CRACD: variants seen among roughly 807,000 people sequenced by gnomAD.
CRACD encodes capping protein-inhibiting regulator of actin dynamics.
In CRACD, 56 loss-of-function variants were observed where a neutral mutation model predicts 106.8. The observed-to-expected ratio is 0.52, with a 90% CI of 0.42 to 0.66. The LOEUF (loss-of-function observed/expected upper bound fraction) is 0.66. Ranked by LOEUF, CRACD falls within the 30% of genes least tolerant of loss-of-function variation. The pLI is 0.00. For synonymous variants in CRACD, 754 were observed against 670.8 expected (o/e 1.12, Z -1.92); for missense variants, 1,730 against 1,623.2 (o/e 1.07, Z -1.13).
At chr4:56,235,301 C>G (rs1162867356) in intron 2 of CRACD, among the ~76,000 whole-genome samples, 2 of 152,136 alleles carry the variant, frequency 1.3e-5, no homozygotes, top group Non-Finnish European at 2.9e-5. Flanking sequence ...TTTAAGGATT[C>G]TGTTTAGGAA....
At chr4:56,194,622 G>T (rs1737523443) in intron 2 of CRACD, among the ~76,000 whole-genome samples, 1 of 152,172 alleles carries the variant, frequency 6.6e-6, no homozygotes, top group South Asian at 2.1e-4. Context: ...TTATGAAGGA[G>T]ACCCAAGAGA....
chr4:56,135,953 A>T (rs372688664), intron 1 of CRACD, among the ~76,000 whole-genome samples: 27 of 152,244 alleles, frequency 1.8e-4, no homozygotes, highest in African/African-American at 5.5e-4. Flanking sequence ...AAAACAACTG[A>T]CATGCTGTCA....
intron 1 of CRACD, among the ~76,000 whole-genome samples, chr4:56,075,719 T>C (rs34181414): frequency 0.36 from 54,098 of 152,072 alleles, 10,167 homozygotes; most frequent in African/African-American, 0.48. Flanking sequence ...AATGGCATCG[T>C]ATAATATCTA....
rs1746711452 is a variant in CRACD at position 56,330,151 on chromosome 4, C to CT, written c.*2356dup. ...GTAAAAACATATAAAAAGTTCAAGA[C>CT]TTTTTTTTTAAATGAATGATCACTA... On this transcript the variant is annotated 3_prime_UTR_variant, in exon 11 of 11. Coordinates refer to ENST00000682029, the MANE Select transcript of CRACD (RefSeq NM_001393381.1). Among the ~76,000 whole-genome samples, 1 of 149,394 alleles carries CT rather than the reference C, an allele frequency of 6.7e-6. No homozygotes were observed. The highest frequency in any genetic ancestry group is 2.5e-5 in the African/African-American group (1 of 40,726).
intron 2 of CRACD, among the ~76,000 whole-genome samples, chr4:56,243,723 A>G (rs1443785936): frequency 6.6e-6 from 1 of 152,218 alleles, no homozygotes; most frequent in Non-Finnish European, 1.5e-5. Context: ...AATAAGCATC[A>G]TGGAGAATGG....
rs750635405 is a variant in CRACD at position 56,316,111 on chromosome 4, A to G, written c.2609A>G (p.Lys870Arg). 37 of 1,614,028 alleles carry G rather than the reference A, an allele frequency of 2.3e-5. No individual in the cohort carries two copies. The highest frequency in any genetic ancestry group is 3.1e-5 in the Non-Finnish European group (36 of 1,180,036). The change falls in exon 8 of 11, where the codon AAG becomes AGG. Residue 870 changes from lysine (K) to arginine (R), a missense_variant. Lys to Arg is a conservative substitution (Grantham distance 26). This residue lies in a region of CRACD where 1,620 missense variants were observed against 1,481.6 expected (regional missense o/e 1.09). Transcript: ENST00000682029. ...CDQQAEQKKKKRHSSTGDSAD... is the reference protein window; with the variant it reads ...CDQQAEQKKKRRHSSTGDSAD... ...CAACAGGCAGAACAGAAGAAGAAGA[A>G]GAGGCACAGCAGCACCGGAGACAGC...
intron 1 of CRACD, among the ~76,000 whole-genome samples, chr4:56,096,216 T>G (rs1423047208): frequency 6.6e-6 from 1 of 152,126 alleles, no homozygotes; most frequent in Admixed American, 6.5e-5. Context: ...AGCATCAGTA[T>G]ATAGTTGATA....
At chr4:56,255,768 A>C (rs1386722201) in intron 2 of CRACD, among the ~76,000 whole-genome samples, 1 of 152,204 alleles carries the variant, frequency 6.6e-6, no homozygotes, top group Non-Finnish European at 1.5e-5. Flanking sequence ...CCTTTTAACC[A>C]GAAAAAAAGC....
At chr4:56,296,921 T>TTG (rs1560523729) in intron 3 of CRACD, among the ~76,000 whole-genome samples, 1,139 of 31,870 alleles carry the variant, frequency 0.036, 14 homozygotes, top group African/African-American at 0.11. Context: ...TTTTTGTTTG[T>TTG]TTTTTTTTTT....
intron 2 of CRACD, among the ~76,000 whole-genome samples, chr4:56,255,658 C>T (rs902673226): frequency 1.2e-4 from 19 of 152,264 alleles, no homozygotes; most frequent in Non-Finnish European, 2.4e-4. Flanking sequence ...CTAAATTTTA[C>T]GGGCCATCCA....
intron 10 of CRACD, among the ~76,000 whole-genome samples, chr4:56,325,215 G>C (rs937917806): frequency 1.3e-5 from 2 of 152,062 alleles, no homozygotes; most frequent in African/African-American, 4.8e-5. Context: ...CATGCCTGTA[G>C]TCCCACCTAC....
At chr4:56,230,946 T>C (rs1346209807) in intron 2 of CRACD, among the ~76,000 whole-genome samples, 4 of 152,230 alleles carry the variant, frequency 2.6e-5, no homozygotes, top group Non-Finnish European at 5.9e-5. Flanking sequence ...TCATCGCCTC[T>C]GAACATCATA....
chr4:56,214,883 G>A (rs1038830226), intron 2 of CRACD, among the ~76,000 whole-genome samples: 2 of 149,908 alleles, frequency 1.3e-5, no homozygotes, highest in South Asian at 2.1e-4. Flanking sequence ...GTGGTGGTGT[G>A]CGCCTATAAT....
chr4:56,138,668 T>C (rs1476686232), intron 1 of CRACD, among the ~76,000 whole-genome samples: 2 of 152,148 alleles, frequency 1.3e-5, no homozygotes, highest in Non-Finnish European at 2.9e-5. Context: ...ACTATGAGAC[T>C]GTACTGGAAC....
At chr4:56,137,471 G>T (rs1156310029) in intron 1 of CRACD, among the ~76,000 whole-genome samples, 1 of 152,132 alleles carries the variant, frequency 6.6e-6, no homozygotes, top group Non-Finnish European at 1.5e-5. Context: ...AACAGTGGAC[G>T]AGGGGCATTC....
At chr4:56,226,940 C>G (rs35198363) in intron 2 of CRACD, among the ~76,000 whole-genome samples, 1 of 151,386 alleles carries the variant, frequency 6.6e-6, no homozygotes, top group South Asian at 2.1e-4. Flanking sequence ...ATGTGATCAC[C>G]ACACTTACCA....
At position 56,314,488 on chromosome 4, in the gene CRACD, C is replaced by G. The variant is rs886791920; in HGVS notation, c.986C>G (p.Ala329Gly). ...AGGCGTCTGCAGGCCCAGGCCCAAG[C>G]GGAGGAGAGGCGGCGGCTGGAGGAG... The part of the protein sequence containing the change: ...ERRRLQAQAQ[A>G]EERRRLEEDA... Residue 329 changes from alanine (A) to glycine (G), a missense_variant, in exon 8 of 11, where the codon GCG becomes GGG. Coordinates refer to ENST00000682029, the MANE Select transcript of CRACD (RefSeq NM_001393381.1). This position sits in a 1 kb window ranked among gnomAD's most constrained non-coding sequence, Gnocchi z 4.4. 1 of 1,523,520 alleles carries G rather than the reference C, an allele frequency of 6.6e-7. No homozygotes were observed. Among genetic ancestry groups the G allele is most frequent in the Non-Finnish European group, 8.8e-7 (1 of 1,138,192 alleles). The allele number at this position is 1,523,520 out of a possible 1,614,324, so 94.4% of individuals were successfully genotyped here.
At chr4:56,267,402 G>A (rs574916054) in intron 2 of CRACD, among the ~76,000 whole-genome samples, 1 of 152,076 alleles carries the variant, frequency 6.6e-6, no homozygotes, top group Admixed American at 6.5e-5. Context: ...GATTACAGGC[G>A]TGAGCCACCA....
chr4:56,267,796 G>C (rs1742113238), intron 2 of CRACD, among the ~76,000 whole-genome samples: 1 of 152,192 alleles, frequency 6.6e-6, no homozygotes, highest in Admixed American at 6.5e-5. Context: ...GTGTGTACTT[G>C]TGTCAAGTTA....
Sources: allele counts gnomAD v4.1 joint callset (sites outside exome capture counted in the v4.1 genomes callset), GRCh38; gene constraint gnomAD v4.1.1; regional missense constraint gnomAD v4.1.1; non-coding constraint Gnocchi (gnomAD v3.1); transcripts MANE v1.5; gene names NCBI Gene and HGNC (gene_info 2026-07-23, HGNC 2026-07-21).